Variants in SPPL2C observed in about 807,000 individuals in gnomAD.
SPPL2C encodes signal peptide peptidase-like 2C.
SPPL2C carries 33 observed loss-of-function variants against 38.8 expected under a neutral mutation model. That is an observed-to-expected ratio of 0.85 (90% CI 0.64 to 1.14). The LOEUF is 1.14. SPPL2C is among the 50% of genes most tolerant of loss of function. SPPL2C has a pLI of 0.00. For synonymous variants in SPPL2C, 384 were observed against 390.7 expected, an observed-to-expected ratio of 0.98 and a Z score of 0.20; for missense variants, 899 against 904.4, an observed-to-expected ratio of 0.99 and a Z score of 0.08.
chr17:45,846,785 C>T lies in SPPL2C; in HGVS notation c.1879C>T (p.Pro627Ser), dbSNP rs142992698. ...IPPGASEELM[P>S]LMPMAMLIPL... ...CCCTGGGGCCTCGGAGGAGCTGATG[C>T]CACTGATGCCAATGGCCATGCTGAT... Residue 627 changes from proline (P) to serine (S), a missense_variant, in exon 1 of 1, where the codon CCA becomes TCA. Coordinates refer to ENST00000329196, the MANE Select transcript of SPPL2C (RefSeq NM_175882.3). 556 of 1,614,132 alleles carry T rather than the reference C, an allele frequency of 3.4e-4. 1 individual carries two copies. In the African/African-American group the frequency reaches 6.4e-3, roughly 19 times the overall value.
chr17:45,845,815 C>G lies in SPPL2C; in HGVS notation c.909C>G (p.Arg303=). ...GCTGCCTGTCACCCCTGGTGTGCCGCCTGTCCCTGCGGCAATACCAGAGGC... is the reference window on the plus strand; with the variant it reads ...GCTGCCTGTCACCCCTGGTGTGCCGGCTGTCCCTGCGGCAATACCAGAGGC... ...LYSCLSPLVC[R]LSLRQYQRPP... Residue 303 remains arginine (R), a synonymous_variant, in exon 1 of 1, where the codon CGC becomes CGG. Coordinates refer to ENST00000329196, the MANE Select transcript of SPPL2C (RefSeq NM_175882.3). 4.4e-6 allele frequency: 7 copies of G among 1,607,418 alleles called. No homozygotes were observed. Among genetic ancestry groups the G allele is most frequent in the Non-Finnish European group, 5.1e-6 (6 of 1,179,942 alleles).
Position 45,844,979 on chromosome 17 carries a change from G to A in SPPL2C, c.73G>A (p.Gly25Ser), listed in dbSNP as rs781492383. Residue 25 changes from glycine to serine, a missense_variant, in exon 1 of 1, where the codon GGC (glycine) becomes AGC (serine). Gly to Ser is a moderately conservative substitution (Grantham distance 56). Coordinates refer to ENST00000329196, the MANE Select transcript of SPPL2C (RefSeq NM_175882.3). ...CAGCACCGTGGCCGGGGGAAAGTAC[G>A]GCGTGGCCCACGTGGTGTCGGAGAA... ...LISTVAGGKY[G>S]VAHVVSENWS... 1.9e-5 allele frequency: 30 copies of A among 1,614,126 alleles called. No individual in the cohort carries two copies. The highest frequency in any genetic ancestry group is 6.7e-5 in the Admixed American group (4 of 60,024).
chr17:45,846,712 G>A lies in SPPL2C; in HGVS notation c.1806G>A (p.Glu602=). 1 of 1,614,180 alleles carries A rather than the reference G, an allele frequency of 6.2e-7. No homozygotes were observed. The highest frequency in any genetic ancestry group is 8.5e-7 in the Non-Finnish European group (1 of 1,180,046). Residue 602 remains glutamate (E), a synonymous_variant, in exon 1 of 1, where the codon GAG becomes GAA. Coordinates refer to ENST00000329196, the MANE Select transcript of SPPL2C (RefSeq NM_175882.3). ...TNPEDRSDSS[E]GWSDAHLDPN... Reference sequence around the variant, plus strand: ...CAGAGGACCGCAGTGATAGCTCCGAGGGCTGGAGTGACGCCCACTTGGATC... The same window carrying A: ...CAGAGGACCGCAGTGATAGCTCCGAAGGCTGGAGTGACGCCCACTTGGATC...
In SPPL2C at chr17:45,845,075, C is replaced by T. The variant is rs2062523202; in HGVS notation, c.169C>T (p.Pro57Ser). Residue 57 changes from proline (P) to serine (S), a missense_variant, in exon 1 of 1, where the codon CCA becomes TCA. Pro to Ser is a moderately conservative substitution (Grantham distance 74). Coordinates refer to ENST00000329196, the MANE Select transcript of SPPL2C (RefSeq NM_175882.3). ...CCTCCCCCGGGACCTGCACCACGCC[C>T]CACTCCTGCCCCTGTATGATGGCAC... Reference protein sequence around the residue: ...ITLPRDLHHAPLLPLYDGTKA... With the variant: ...ITLPRDLHHASLLPLYDGTKA... 6.2e-7 allele frequency: 1 copy of T among 1,613,890 alleles called. No individual in the cohort carries two copies. The highest frequency in any genetic ancestry group is 8.5e-7 in the Non-Finnish European group (1 of 1,179,876).
chr17:45,845,092 T>G lies in SPPL2C; in HGVS notation c.186T>G (p.Tyr62Ter). 1 of 1,613,636 alleles carries G rather than the reference T, an allele frequency of 6.2e-7. No individual in the cohort carries two copies. Among genetic ancestry groups the G allele is most frequent in the Non-Finnish European group, 8.5e-7 (1 of 1,179,630 alleles). ...DLHHAPLLPLYDGTKAPWCPG... is the reference protein window; with the variant it reads ...DLHHAPLLPL The stretch of plus-strand genomic sequence containing the variant: ...ACCACGCCCCACTCCTGCCCCTGTA[T>G]GATGGCACCAAGGCACCCTGGTGCC... The change falls in exon 1 of 1, where the codon TAT becomes TAG. Residue 62 changes from tyrosine (Y) to a stop codon, truncating the protein, a stop_gained. Transcript: ENST00000329196. LOFTEE classifies it high-confidence loss of function.
chr17:45,846,578 G>C lies in SPPL2C; in HGVS notation c.1672G>C (p.Ala558Pro). ...GGAGGGCGCAGCAGATGCCCACACA[G>C]CCAGCACACTTGAGAGAGGCACCAG... ...KQEGAADAHT[A>P]STLERGTSRG... Residue 558 changes from alanine to proline, a missense_variant, in exon 1 of 1, where the codon GCC becomes CCC. Physicochemically the swap from Ala to Pro is conservative, Grantham distance 27. Coordinates refer to ENST00000329196, the MANE Select transcript of SPPL2C (RefSeq NM_175882.3). The C allele has an allele frequency of 6.2e-7, 1 of 1,613,686 alleles. No individual in the cohort carries two copies. Among genetic ancestry groups the C allele is most frequent in the Non-Finnish European group, 8.5e-7 (1 of 1,180,024 alleles).
In SPPL2C at chr17:45,845,156, C is replaced by T. The variant is rs1172738347; in HGVS notation, c.250C>T (p.Pro84Ser). The change falls in exon 1 of 1, where the codon CCC becomes TCC. Residue 84 changes from proline to serine, a missense_variant. Pro to Ser is a moderately conservative substitution (Grantham distance 74). Transcript: ENST00000329196. ...DSPHQAQLRS[P>S]SQRPLRQTTA... is the part of the protein sequence containing the mutation. ...CCCCCACCAGGCCCAGCTCCGCTCC[C>T]CCAGCCAGCGGCCCCTCCGCCAGAC... The T allele has an allele frequency of 1.2e-6, 2 of 1,612,248 alleles. No homozygotes were observed. The highest frequency in any genetic ancestry group is 1.7e-6 in the Non-Finnish European group (2 of 1,178,590).
chr17:45,845,340 A>G lies in SPPL2C; in HGVS notation c.434A>G (p.Asp145Gly), dbSNP rs1264983711. The G allele has an allele frequency of 6.2e-7, 1 of 1,613,878 alleles. No homozygotes were observed. The highest frequency in any genetic ancestry group is 1.7e-5 in the Admixed American group (1 of 60,010). Residue 145 changes from aspartate (D) to glycine (G), a missense_variant, in exon 1 of 1, where the codon GAC becomes GGC. Transcript: ENST00000329196. ...APQDPRQPLA[D>G]LTIPVAMLHY... is the part of the protein sequence containing the mutation. ...CAGGATCCCCGCCAGCCCCTGGCAG[A>G]CCTCACCATCCCTGTGGCTATGCTC...
At position 45,845,037 on chromosome 17, in the gene SPPL2C, C is replaced by A. The variant is rs773838404; in HGVS notation, c.131C>A (p.Ser44Tyr). The A allele has an allele frequency of 5.0e-6, 8 of 1,613,990 alleles. No homozygotes were observed. In the South Asian group the frequency reaches 7.7e-5, roughly 16 times the overall value. ...AAGGACTACTGTATCCTGTTCAGCTCCGACTACATCACCCTCCCCCGGGAC... is the reference window on the plus strand; with the variant it reads ...AAGGACTACTGTATCCTGTTCAGCTACGACTACATCACCCTCCCCCGGGAC... ...WSKDYCILFS[S>Y]DYITLPRDLH... Residue 44 changes from serine (S) to tyrosine (Y), a missense_variant, in exon 1 of 1, where the codon TCC becomes TAC. Ser to Tyr is a moderately radical substitution (Grantham distance 144). Coordinates refer to ENST00000329196, the MANE Select transcript of SPPL2C (RefSeq NM_175882.3).
Position 45,845,234 on chromosome 17 carries a change from G to A in SPPL2C, c.328G>A (p.Ala110Thr). 1.9e-6 allele frequency: 3 copies of A among 1,613,826 alleles called. No individual in the cohort carries two copies. The highest frequency in any genetic ancestry group is 2.5e-6 in the Non-Finnish European group (3 of 1,179,902). ...CAGCTTCCACACGAAAGGCTGGCTG[G>A]CTCAGGGCCAAGGTGCCCACGGGCT... ...NCSFHTKGWL[A>T]QGQGAHGLLI... Residue 110 changes from alanine to threonine, a missense_variant, in exon 1 of 1, where the codon GCT (alanine) becomes ACT (threonine). Physicochemically the swap from Ala to Thr is moderately conservative, Grantham distance 58. Transcript: ENST00000329196.
rs1403966066 is a variant in SPPL2C, at chr17:45,845,154, C to T, written c.248C>T (p.Ser83Phe). ...EDSPHQAQLR[S>F]PSQRPLRQTT... ...TCCCCCCACCAGGCCCAGCTCCGCT[C>T]CCCCAGCCAGCGGCCCCTCCGCCAG... Residue 83 changes from serine to phenylalanine, a missense_variant, in exon 1 of 1, where the codon TCC becomes TTC. Transcript: ENST00000329196. 8.1e-6 allele frequency: 13 copies of T among 1,612,152 alleles called. No individual in the cohort carries two copies. The highest frequency in any genetic ancestry group is 1.1e-5 in the Non-Finnish European group (13 of 1,178,534).
chr17:45,844,890 A>G lies in SPPL2C; in HGVS notation c.-17A>G, dbSNP rs778930256. 3 of 1,585,212 alleles carry G rather than the reference A, an allele frequency of 1.9e-6. No individual in the cohort carries two copies. Among genetic ancestry groups the G allele is most frequent in the African/African-American group, 1.3e-5 (1 of 74,562 alleles). On this transcript the variant is annotated 5_prime_UTR_variant, in exon 1 of 1. Coordinates refer to ENST00000329196, the MANE Select transcript of SPPL2C (RefSeq NM_175882.3). The stretch of plus-strand genomic sequence containing the variant: ...TTGGGCTGCCGCCCGCAGATGTTGC[A>G]GTAGGAACTGAAGAAGATGGCGTGC...
chr17:45,845,012 A>G lies in SPPL2C; in HGVS notation c.106A>G (p.Lys36Glu), dbSNP rs2062522161. 3 of 1,613,972 alleles carry G rather than the reference A, an allele frequency of 1.9e-6. No individual in the cohort carries two copies. Among genetic ancestry groups the G allele is most frequent in the Non-Finnish European group, 2.5e-6 (3 of 1,179,990 alleles). The change falls in exon 1 of 1, where the codon AAG (lysine) becomes GAG (glutamate). Residue 36 changes from lysine to glutamate, a missense_variant. By Grantham distance (56) the Lys-to-Glu change is moderately conservative. Transcript: ENST00000329196. ...CCACGTGGTGTCGGAGAATTGGAGC[A>G]AGGACTACTGTATCCTGTTCAGCTC... ...VAHVVSENWS[K>E]DYCILFSSDY...
At position 45,847,039 on chromosome 17, in the gene SPPL2C, A is replaced by C; in HGVS notation, c.*78A>C. On this transcript the variant is annotated 3_prime_UTR_variant, in exon 1 of 1. Transcript: ENST00000329196. ...GCAAAGCCATGCATGGCAACAAGAA[A>C]TCAGGGTATCAAAGAGATTTCATAT... The C allele has an allele frequency of 2.1e-6, 3 of 1,414,734 alleles. No individual in the cohort carries two copies. The highest frequency in any genetic ancestry group is 1.4e-5 in the South Asian group (1 of 71,978). The allele number at this position is 1,414,734 out of a possible 1,614,324, so 87.6% of individuals were successfully genotyped here.
chr17:45,846,312 G>A lies in SPPL2C; in HGVS notation c.1406G>A (p.Arg469His), dbSNP rs781256740. ...CGCTTTGATGTGCAAGTCTGCTCCC[G>A]TCAGATCTACTTCGTGGCCTGCACC... ...CCRFDVQVCS[R>H]QIYFVACTVA... The change falls in exon 1 of 1, where the codon CGT becomes CAT. Residue 469 changes from arginine to histidine, a missense_variant. Physicochemically the swap from Arg to His is conservative, Grantham distance 29. Transcript: ENST00000329196. The A allele has an allele frequency of 1.5e-5, 25 of 1,613,928 alleles. No homozygotes were observed. Among genetic ancestry groups the A allele is most frequent in the South Asian group, 2.2e-5 (2 of 91,088 alleles).
chr17:45,845,773 T>TG lies in SPPL2C; in HGVS notation c.869dup (p.Ile291HisfsTer54). 6.2e-7 allele frequency: 1 copy of TG among 1,611,650 alleles called. No individual in the cohort carries two copies. Among genetic ancestry groups the TG allele is most frequent in the Middle Eastern group, 1.6e-4 (1 of 6,062 alleles). ...CCATTGGGATCTTTGGCCTGGGTGCTGGCATTGGCCTCTACAGCTGCCTGT... is the reference window on the plus strand; with the variant it reads ...CCATTGGGATCTTTGGCCTGGGTGCTGGGCATTGGCCTCTACAGCTGCCTGT... On this transcript the variant is annotated frameshift_variant, in exon 1 of 1. Coordinates refer to ENST00000329196, the MANE Select transcript of SPPL2C (RefSeq NM_175882.3). LOFTEE classifies it high-confidence loss of function.
chr17:45,846,388 GCAGAT>G lies in SPPL2C; in HGVS notation c.1483_1487del (p.Gln495GlyfsTer37). ...TCACATTCATGGCCATGGTCCTCAT[GCAGAT>G]GGGCCAACCTGCCTTGCTCTACCTA... On this transcript the variant is annotated frameshift_variant, in exon 1 of 1. Transcript: ENST00000329196. LOFTEE classifies it high-confidence loss of function. 1.9e-6 allele frequency: 3 copies of G among 1,613,630 alleles called. No individual in the cohort carries two copies. Among genetic ancestry groups the G allele is most frequent in the Non-Finnish European group, 2.5e-6 (3 of 1,180,036 alleles).
Position 45,846,007 on chromosome 17 carries a change from G to A in SPPL2C, c.1101G>A (p.Val367=), listed in dbSNP as rs748240047. ...ACTGCCTGTTCGTCCTGCACCGTGTGCGGCTGCCCACTCTCAAGAACTGCT... is the reference window on the plus strand; with the variant it reads ...ACTGCCTGTTCGTCCTGCACCGTGTACGGCTGCCCACTCTCAAGAACTGCT... ...ISYCLFVLHR[V]RLPTLKNCSS... is the part of the protein sequence containing the mutation. Residue 367 remains valine (V), a synonymous_variant, in exon 1 of 1, where the codon GTG becomes GTA. Coordinates refer to ENST00000329196, the MANE Select transcript of SPPL2C (RefSeq NM_175882.3). 6.2e-7 allele frequency: 1 copy of A among 1,613,784 alleles called. No individual in the cohort carries two copies. Among genetic ancestry groups the A allele is most frequent in the Non-Finnish European group, 8.5e-7 (1 of 1,180,016 alleles).
rs2062546062 is a variant in SPPL2C at position 45,846,336 on chromosome 17, C to G, written c.1430C>G (p.Thr477Ser). The change falls in exon 1 of 1, where the codon ACC becomes AGC. Residue 477 changes from threonine (T) to serine (S), a missense_variant. Transcript: ENST00000329196. ...CGTCAGATCTACTTCGTGGCCTGCA[C>G]CGTGGCCTATGCTGTGGGCCTGCTG... ...CSRQIYFVACTVAYAVGLLVT... is the reference protein window; with the variant it reads ...CSRQIYFVACSVAYAVGLLVT... 1 of 1,613,996 alleles carries G rather than the reference C, an allele frequency of 6.2e-7. No homozygotes were observed. Among genetic ancestry groups the G allele is most frequent in the South Asian group, 1.1e-5 (1 of 91,092 alleles).
Sources: gnomAD v4.1 joint callset for allele counts on GRCh38, gnomAD v4.1.1 for gene constraint, MANE v1.5 for transcripts, NCBI Gene and HGNC (gene_info 2026-07-23, HGNC 2026-07-21) for gene names.